Variants in SLC44A1 observed in about 807,000 individuals in gnomAD.
The protein encoded by SLC44A1 is solute carrier family 44 member 1, also known as choline transporter-like protein 1.
A neutral mutation model predicts 79.3 loss-of-function variants in SLC44A1; 26 were observed. That is an observed-to-expected ratio of 0.33 (90% CI 0.24 to 0.46). The LOEUF (loss-of-function observed/expected upper bound fraction) is 0.46. SLC44A1 is among the 20% of genes least tolerant of loss of function. The pLI is 1.00. For synonymous variants in SLC44A1, 263 were observed against 286.2 expected, an observed-to-expected ratio of 0.92 and a Z score of 0.82; for missense variants, 688 against 798.1, an observed-to-expected ratio of 0.86 and a Z score of 1.66.
intron 1 of SLC44A1, among the ~76,000 whole-genome samples, chr9:105,255,220 A>G (rs1183268160): frequency 1.3e-5 from 2 of 152,100 alleles, no homozygotes; most frequent in Non-Finnish European, 2.9e-5. Flanking sequence ...TTACAGAAGG[A>G]AATAAACCAG....
intron 12 of SLC44A1, among the ~76,000 whole-genome samples, chr9:105,370,596 A>C (rs1318236209): frequency 1.3e-5 from 2 of 152,198 alleles, no homozygotes; most frequent in East Asian, 3.8e-4. Flanking sequence ...GAATAATAAT[A>C]ATTCTCAAAT....
intron 1 of SLC44A1, among the ~76,000 whole-genome samples, chr9:105,296,355 C>A (rs327990): frequency 0.18 from 26,870 of 152,116 alleles, 3,701 homozygotes; most frequent in African/African-American, 0.38. Context: ...TTAGCACAGA[C>A]GTGACCCACA....
rs1322200094 is a variant in SLC44A1 at position 105,366,415 on chromosome 9, A to G, written c.1480A>G (p.Asn494Asp). ...CCLWCLEKCL[N>D]YLNQNAYTAT... ...CCTTTGGTGTCTTGAAAAGTGCCTA[A>G]ATTATTTAAATCAGGTAAAATATTT... The change falls in exon 12 of 16, where the codon AAT (asparagine) becomes GAT (aspartate). Residue 494 changes from asparagine (N) to aspartate (D), a missense_variant. By Grantham distance (23) the Asn-to-Asp change is conservative. Coordinates refer to ENST00000374720, the MANE Select transcript of SLC44A1 (RefSeq NM_080546.5). 2.0e-5 allele frequency: 29 copies of G among 1,484,804 alleles called. No individual in the cohort carries two copies. Among genetic ancestry groups the G allele is most frequent in the Non-Finnish European group, 2.6e-5 (28 of 1,094,284 alleles). 92.0% of individuals were successfully genotyped at this position (1,484,804 alleles called of 1,614,324 possible).
chr9:105,361,224 A>G lies in SLC44A1; in HGVS notation c.794A>G (p.Lys265Arg). 6.2e-7 allele frequency: 1 copy of G among 1,614,164 alleles called. No individual in the cohort carries two copies. The change falls in exon 8 of 16, where the codon AAG becomes AGG. Residue 265 changes from lysine (K) to arginine (R), a missense_variant. Lys to Arg is a conservative substitution (Grantham distance 26). Coordinates refer to ENST00000374720, the MANE Select transcript of SLC44A1 (RefSeq NM_080546.5). ...GTGVLWWLYA[K>R]QRRSPKETVT... ...GGTGTACTATGGTGGCTGTATGCAAAGCAAAGAAGGTCTCCCAAAGAAACT... is the reference window on the plus strand; with the variant it reads ...GGTGTACTATGGTGGCTGTATGCAAGGCAAAGAAGGTCTCCCAAAGAAACT...
At chr9:105,423,923 C>T (rs1382693296) in intron 15 of SLC44A1, among the ~76,000 whole-genome samples, 1 of 152,100 alleles carries the variant, frequency 6.6e-6, no homozygotes, top group Non-Finnish European at 1.5e-5. Context: ...AAACATTGTT[C>T]AAGTAACCAG....
Position 105,361,201 on chromosome 9 carries a change from T to G in SLC44A1, c.771T>G (p.Gly257=), listed in dbSNP as rs764499167. 1 of 1,614,062 alleles carries G rather than the reference T, an allele frequency of 6.2e-7. No individual in the cohort carries two copies. The highest frequency in any genetic ancestry group is 8.5e-7 in the Non-Finnish European group (1 of 1,179,930). Residue 257 remains glycine, a synonymous_variant, in exon 8 of 16, where the codon GGT becomes GGG. Transcript: ENST00000374720. ...LVILGSLGGT[G]VLWWLYAKQR... ...GTCTTTTGTCTCCAGGAGGCACAGG[T>G]GTACTATGGTGGCTGTATGCAAAGC...
downstream of SLC44A1, among the ~76,000 whole-genome samples, chr9:105,398,739 G>A (rs1429257337): frequency 6.6e-6 from 1 of 152,108 alleles, no homozygotes; most frequent in Non-Finnish European, 1.5e-5. Context: ...CATGTTGAAG[G>A]GTTCAGAAAG....
rs33933201 is a variant in SLC44A1 at position 105,376,314 on chromosome 9, TACACACACACACAC to T, written c.1632+1602_1632+1615del. On this transcript the variant is annotated intron_variant, in intron 13 of 15. Transcript: ENST00000374720. The stretch of plus-strand genomic sequence containing the variant: ...CTTAGAATAAAAGTATATATATGTA[TACACACACACACAC>T]ACACACACACACACACACACACTAC... Among the ~76,000 whole-genome samples, 203 of 139,174 alleles carry T rather than the reference TACACACACACACAC, an allele frequency of 1.5e-3. 1 individual carries two copies. Among genetic ancestry groups the T allele is most frequent in the African/African-American group, 4.6e-3 (167 of 36,332 alleles). The allele number at this position is 139,174 out of a possible 152,430, so 91.3% of individuals were successfully genotyped here.
Position 105,390,243 on chromosome 9 carries a change from T to A in SLC44A1, c.*1187T>A. The A allele has an allele frequency of 9.3e-7, 1 of 1,080,872 alleles. No homozygotes were observed. Among genetic ancestry groups the A allele is most frequent in the Non-Finnish European group, 1.1e-6 (1 of 892,102 alleles). The allele number at this position is 1,080,872 out of a possible 1,614,324, so 67.0% of individuals were successfully genotyped here. On this transcript the variant is annotated 3_prime_UTR_variant, in exon 16 of 16. Coordinates refer to ENST00000374720, the MANE Select transcript of SLC44A1 (RefSeq NM_080546.5). The stretch of plus-strand genomic sequence containing the variant: ...GATATGAATGGCTAATACTCCATTG[T>A]TCTGCTTGTTGTAATGGTGAATGCT...
chr9:105,385,738 C>T (rs1412041069), intron 15 of SLC44A1: 47 of 985,266 alleles, frequency 4.8e-5, no homozygotes, highest in South Asian at 1.4e-4. Flanking sequence ...CGTCAGTGCT[C>T]GGCAGGGGCG....
At chr9:105,361,022 ACTTT>A (rs1827762329) in intron 7 of SLC44A1, among the ~76,000 whole-genome samples, 165 bp from the exon 8 acceptor site, 2 of 152,226 alleles carry the variant, frequency 1.3e-5, no homozygotes, top group Non-Finnish European at 2.9e-5. Context: ...AGCAATGGAC[ACTTT>A]CTTTATGCTG....
chr9:105,365,434 C>G (rs765645783), intron 10 of SLC44A1, 49 bp from the exon 11 acceptor site: 1 of 1,470,962 alleles, frequency 6.8e-7, no homozygotes, highest in East Asian at 2.3e-5. Flanking sequence ...GTGTTTCCAT[C>G]CTGATCTAGG....
At chr9:105,298,890 A>G (rs1830800655) in intron 1 of SLC44A1, among the ~76,000 whole-genome samples, 1 of 152,150 alleles carries the variant, frequency 6.6e-6, no homozygotes, top group African/African-American at 2.4e-5. Context: ...TCTCTTCCTT[A>G]TGACACTCAC....
At chr9:105,250,383 C>T (rs1304550018) in intron 1 of SLC44A1, among the ~76,000 whole-genome samples, 9 of 152,100 alleles carry the variant, frequency 5.9e-5, no homozygotes, top group Non-Finnish European at 1.0e-4. Context: ...GTTAACAGTA[C>T]AGTCATTTAA....
chr9:105,419,029 C>T (rs1039955749), intron 15 of SLC44A1, among the ~76,000 whole-genome samples: 1 of 152,108 alleles, frequency 6.6e-6, no homozygotes, highest in Non-Finnish European at 1.5e-5. Flanking sequence ...CAGATTGTAA[C>T]TGAACAAAAT....
chr9:105,417,164 C>T (rs1007597236), intron 15 of SLC44A1, among the ~76,000 whole-genome samples: 1 of 152,206 alleles, frequency 6.6e-6, no homozygotes, highest in African/African-American at 2.4e-5. Flanking sequence ...CCCAGAAAAT[C>T]CCATCGGTGT....
chr9:105,285,738 A>C (rs1830458696), intron 1 of SLC44A1, among the ~76,000 whole-genome samples: 1 of 152,206 alleles, frequency 6.6e-6, no homozygotes, highest in African/African-American at 2.4e-5. Context: ...TACAGAGTAC[A>C]TTGATCAGTT....
Position 105,324,053 on chromosome 9 carries a change from G to A in SLC44A1, c.270-11510G>A, listed in dbSNP as rs146962502. On this transcript the variant is annotated intron_variant, in intron 3 of 15. Coordinates refer to ENST00000374720, the MANE Select transcript of SLC44A1 (RefSeq NM_080546.5). The stretch of plus-strand genomic sequence containing the variant: ...GTCTTGCTCTGTCGCCCAGGCTGGA[G>A]TGCAGTGGTGCGATCTAGGCTCACT... Among the ~76,000 whole-genome samples the A allele has an allele frequency of 5.2e-3, 799 of 152,202 alleles. 3 individuals carry two copies. Among genetic ancestry groups the A allele is most frequent in the Non-Finnish European group, 8.4e-3 (569 of 68,012 alleles).
intron 1 of SLC44A1, among the ~76,000 whole-genome samples, chr9:105,259,059 T>A (rs943984683): frequency 6.6e-6 from 1 of 152,098 alleles, no homozygotes; most frequent in African/African-American, 2.4e-5. Context: ...CACCTCAAAC[T>A]ATAGAGGCCA....
Sources: gnomAD v4.1 joint callset for allele counts (sites outside exome capture counted in the v4.1 genomes callset) on GRCh38, gnomAD v4.1.1 for gene constraint, MANE v1.5 for transcripts, NCBI Gene and HGNC (gene_info 2026-07-23, HGNC 2026-07-21) for gene names.